The following MME variants were observed in gnomAD, a reference collection of about 807,000 sequenced individuals.
MME encodes membrane metalloendopeptidase, also known as neprilysin.
Under a neutral mutation model 113.2 loss-of-function variants are expected in MME, and 98 were observed. That is an observed-to-expected ratio of 0.87 (90% CI 0.74 to 1.02). The LOEUF (loss-of-function observed/expected upper bound fraction) is 1.02, where lower values mean the gene tolerates loss of function less well. Among genes scored for constraint, MME ranks in the 50% least tolerant of loss-of-function variants. The pLI, the probability that MME is intolerant of heterozygous loss-of-function variation, is 0.00. For synonymous variants in MME, 292 were observed against 300.6 expected, an observed-to-expected ratio of 0.97 and a Z score of 0.30; for missense variants, 836 against 896.0, an observed-to-expected ratio of 0.93 and a Z score of 0.86.
At chr3:155,125,004 G>A (rs1163615622) in intron 8 of MME, among the ~76,000 whole-genome samples, 1 of 152,174 alleles carries the variant, frequency 6.6e-6, no homozygotes, top group South Asian at 2.1e-4. Context: ...AATGGCAGGC[G>A]CCCCTCCCCC....
chr3:155,134,958 T>A (rs2108297642), intron 8 of MME, among the ~76,000 whole-genome samples: 1 of 152,264 alleles, frequency 6.6e-6, no homozygotes, highest in Non-Finnish European at 1.5e-5. Flanking sequence ...TCTGTTCCTG[T>A]CTTTTCCTAC....
intron 1 of MME, among the ~76,000 whole-genome samples, chr3:155,027,410 A>G (rs910066827): frequency 6.6e-6 from 1 of 152,184 alleles, no homozygotes; most frequent in Non-Finnish European, 1.5e-5. Context: ...GTTCCAATTT[A>G]TCTTTCTAGT....
rs200434506 is a variant in MME at position 155,086,995 on chromosome 3, GTTTTTTTTTGTT to G, written c.196+1911_196+1922del. ...AGGTTGTGGGTTTTTTGTTTTTTTT[GTTTTTTTTTGTT>G]TTTTTTTTTTGTAGAGACAGGGTCT... On this transcript the variant is annotated intron_variant, in intron 3 of 22. Coordinates refer to ENST00000360490, the MANE Select transcript of MME (RefSeq NM_007289.4). Among the ~76,000 whole-genome samples the G allele has an allele frequency of 2.5e-3, 161 of 65,486 alleles. 4 individuals carry two copies. The East Asian group carries it at 0.056, about 23-fold the overall frequency. 43.0% of individuals were successfully genotyped at this position (65,486 alleles called of 152,430 possible).
At chr3:155,107,668 G>A (rs1388033697) in intron 3 of MME, among the ~76,000 whole-genome samples, 3 of 152,078 alleles carry the variant, frequency 2.0e-5, no homozygotes, top group African/African-American at 7.2e-5. Context: ...TCCCTAAAAT[G>A]TATTTATTAC....
At chr3:155,178,889 C>T (rs961115748) in intron 22 of MME, among the ~76,000 whole-genome samples, 1 of 152,074 alleles carries the variant, frequency 6.6e-6, no homozygotes, top group Non-Finnish European at 1.5e-5. Flanking sequence ...TATGTTCAGC[C>T]GCATTTGGTT....
intron 1 of MME, among the ~76,000 whole-genome samples, chr3:155,030,071 T>C (rs1712917731): frequency 6.6e-6 from 1 of 152,178 alleles, no homozygotes; most frequent in Non-Finnish European, 1.5e-5. Flanking sequence ...GACTTTTAGG[T>C]GAACATTTAC....
At chr3:155,050,383 G>A (rs1018319484) in intron 1 of MME, among the ~76,000 whole-genome samples, 1 of 152,070 alleles carries the variant, frequency 6.6e-6, no homozygotes, top group Non-Finnish European at 1.5e-5. Context: ...TGGTAATTCT[G>A]TTTAGTTCTT....
chr3:155,063,092 C>T (rs1203087917), intron 1 of MME, among the ~76,000 whole-genome samples: 2 of 137,036 alleles, frequency 1.5e-5, no homozygotes, highest in Admixed American at 1.5e-4. Context: ...TAATTAATGA[C>T]CTTATTAATT....
intron 16 of MME, among the ~76,000 whole-genome samples, chr3:155,157,168 A>G (rs1434140221): frequency 6.6e-6 from 1 of 152,092 alleles, no homozygotes; most frequent in Non-Finnish European, 1.5e-5. Flanking sequence ...AAATGCCCCC[A>G]AACGAGAATA....
chr3:155,087,248 GGTT>G (rs1559908885), intron 3 of MME, among the ~76,000 whole-genome samples: 1 of 67,680 alleles, frequency 1.5e-5, no homozygotes, highest in Non-Finnish European at 2.9e-5. Context: ...TGTGCCCTTT[GGTT>G]TTTTTTTTTT....
At chr3:155,070,114 A>G (rs905341641) in intron 1 of MME, among the ~76,000 whole-genome samples, 44 of 152,344 alleles carry the variant, frequency 2.9e-4, no homozygotes, top group African/African-American at 1.0e-3. Flanking sequence ...ATATTGTTTA[A>G]TGTTTTTGGA....
At chr3:155,064,914 C>A (rs1714339618) in intron 1 of MME, among the ~76,000 whole-genome samples, 1 of 152,154 alleles carries the variant, frequency 6.6e-6, no homozygotes, top group Non-Finnish European at 1.5e-5. Context: ...AGGTGCATCA[C>A]TCAATCTTTG....
At chr3:155,073,237 C>T (rs955227339) in intron 1 of MME, among the ~76,000 whole-genome samples, 1 of 152,046 alleles carries the variant, frequency 6.6e-6, no homozygotes, top group East Asian at 1.9e-4. Context: ...GGCCCATTTC[C>T]GAGCCTACAA....
chr3:155,124,918 A>G (rs978222651), intron 8 of MME, among the ~76,000 whole-genome samples: 1 of 152,212 alleles, frequency 6.6e-6, no homozygotes, highest in African/African-American at 2.4e-5. Flanking sequence ...AGTGGCAGGC[A>G]GGCCTCCTTG....
chr3:155,135,678 A>G (rs112430057), intron 8 of MME, among the ~76,000 whole-genome samples: 211 of 152,268 alleles, frequency 1.4e-3, no homozygotes, highest in African/African-American at 4.9e-3. Flanking sequence ...GAAAAATGAC[A>G]TTGGTAGTTT....
At chr3:155,049,129 C>A (rs967782053) in intron 1 of MME, among the ~76,000 whole-genome samples, 4 of 151,994 alleles carry the variant, frequency 2.6e-5, no homozygotes, top group African/African-American at 9.7e-5. Flanking sequence ...GTGTTCAGAT[C>A]TCTCATGTAT....
At chr3:155,119,715 T>G (rs1163937085) in intron 8 of MME, among the ~76,000 whole-genome samples, 1 of 151,338 alleles carries the variant, frequency 6.6e-6, no homozygotes, top group Non-Finnish European at 1.5e-5. Context: ...ATTTCCAATT[T>G]CATCCATGTC....
At chr3:155,031,776 G>A (rs1031822813) in intron 1 of MME, among the ~76,000 whole-genome samples, 3 of 152,170 alleles carry the variant, frequency 2.0e-5, no homozygotes, top group African/African-American at 7.2e-5. Flanking sequence ...TCCTGCCTCA[G>A]CCTCCCAAGT....
chr3:155,167,200 T>C (rs1046298562), intron 18 of MME, among the ~76,000 whole-genome samples, 179 bp downstream of exon 18: 3 of 152,210 alleles, frequency 2.0e-5, no homozygotes, highest in African/African-American at 7.2e-5. Context: ...AAAATTCTCA[T>C]AGTGAGTTAA....
Sources: gnomAD v4.1 joint callset for allele counts (sites outside exome capture counted in the v4.1 genomes callset) on GRCh38, gnomAD v4.1.1 for gene constraint, MANE v1.5 for transcripts, NCBI Gene and HGNC (gene_info 2026-07-23, HGNC 2026-07-21) for gene names.